The following GLIPR1L1 variants were observed in gnomAD, a reference collection of about 807,000 sequenced individuals.
GLIPR1L1 encodes the protein GLIPR1 like 1.
GLIPR1L1 carries 26 observed loss-of-function variants against 29.9 expected under a neutral mutation model. The ratio of observed to expected loss-of-function variants is 0.87; its 90% CI spans 0.64 to 1.21. GLIPR1L1 has a LOEUF of 1.21. GLIPR1L1 is among the 50% of genes most tolerant of loss of function. The pLI is 0.00. For missense variants in GLIPR1L1, 305 were observed against 290.3 expected, an observed-to-expected ratio of 1.05 and a Z score of -0.37; for synonymous variants, 77 against 97.5, an observed-to-expected ratio of 0.79 and a Z score of 1.24.
chr12:75,356,328 G>A (rs1036733277), intron 3 of GLIPR1L1, among the ~76,000 whole-genome samples: 1 of 151,992 alleles, frequency 6.6e-6, no homozygotes, highest in Non-Finnish European at 1.5e-5. Flanking sequence ...GAGATGATAA[G>A]TTTGTGGATA....
At chr12:75,365,587 T>C (rs911209985) in intron 4 of GLIPR1L1, among the ~76,000 whole-genome samples, 3 of 152,148 alleles carry the variant, frequency 2.0e-5, no homozygotes, top group African/African-American at 4.8e-5. Flanking sequence ...AAGTTGGATG[T>C]TGCCCAGAGA....
chr12:75,363,318 A>G (rs1449492037), intron 4 of GLIPR1L1, 128 bp downstream of exon 4: 1 of 410,848 alleles, frequency 2.4e-6, no homozygotes, highest in Admixed American at 4.5e-5. Context: ...ATCTTACGAT[A>G]TAAATCATGT....
chr12:75,340,207 T>C (rs962717224), intron 1 of GLIPR1L1, among the ~76,000 whole-genome samples: 1 of 151,214 alleles, frequency 6.6e-6, no homozygotes, highest in African/African-American at 2.4e-5. Flanking sequence ...TATTGGTTGA[T>C]GGGCATTTAG....
intron 4 of GLIPR1L1, among the ~76,000 whole-genome samples, chr12:75,366,105 A>T (rs973478573): frequency 6.6e-6 from 1 of 152,176 alleles, no homozygotes; most frequent in South Asian, 2.1e-4. Flanking sequence ...TATTTAAGTC[A>T]TGTGAACTTG....
At chr12:75,362,961 G>A in intron 3 of GLIPR1L1, 141 bp from the exon 4 acceptor site, 1 of 505,020 alleles carries the variant, frequency 2.0e-6, no homozygotes, top group Non-Finnish European at 3.6e-6. Flanking sequence ...CAAAAGAAAT[G>A]AAAATAAAAT....
chr12:75,358,731 T>C (rs1462916989), intron 3 of GLIPR1L1, among the ~76,000 whole-genome samples: 3 of 145,592 alleles, frequency 2.1e-5, no homozygotes, highest in Non-Finnish European at 4.5e-5. Flanking sequence ...TAATATATTA[T>C]ATATATGGTT....
intron 2 of GLIPR1L1, among the ~76,000 whole-genome samples, chr12:75,345,255 C>A (rs1044351917): frequency 2.6e-5 from 4 of 152,072 alleles, no homozygotes; most frequent in African/African-American, 9.7e-5. Context: ...GACAATTATA[C>A]AGTTTCTATC....
chr12:75,358,826 A>T (rs1416555155), intron 3 of GLIPR1L1, among the ~76,000 whole-genome samples: 1 of 143,922 alleles, frequency 6.9e-6, no homozygotes, highest in Non-Finnish European at 1.5e-5. Context: ...AAATATATAT[A>T]ATATATAACA....
rs2042540979 is a variant in GLIPR1L1 at position 75,347,625 on chromosome 12, G to A, written c.424G>A (p.Val142Ile). 7 of 1,603,632 alleles carry A rather than the reference G, an allele frequency of 4.4e-6. No individual in the cohort carries two copies. Among genetic ancestry groups the A allele is most frequent in the Non-Finnish European group, 6.0e-6 (7 of 1,172,300 alleles). The change falls in exon 3 of 6, where the codon GTT becomes ATT. Residue 142 changes from valine to isoleucine, a missense_variant. Physicochemically the swap from Val to Ile is conservative, Grantham distance 29 (BLOSUM62 3). Transcript: ENST00000378695. ...SRVCGHYTQLVWANSFYVGCA... is the reference protein window; with the variant it reads ...SRVCGHYTQLIWANSFYVGCA... ...TTGACATTCCTTTTCTTTATAGTTA[G>A]TTTGGGCCAATTCATTTTATGTCGG...
intron 1 of GLIPR1L1, among the ~76,000 whole-genome samples, chr12:75,336,075 A>G (rs1453555488): frequency 6.6e-6 from 1 of 152,058 alleles, no homozygotes; most frequent in Admixed American, 6.5e-5. Context: ...TGCATAAAAA[A>G]TGAAGTGAAG....
At chr12:75,367,100 A>T (rs2139663688) in intron 4 of GLIPR1L1, 1 of 692,284 alleles carries the variant, frequency 1.4e-6, no homozygotes, top group East Asian at 2.7e-5. Context: ...ATTTGGGGAG[A>T]AAACGTAATG....
intron 4 of GLIPR1L1, chr12:75,364,702 A>G (rs1404643758): frequency 6.6e-6 from 1 of 152,226 alleles, no homozygotes; most frequent in Non-Finnish European, 1.5e-5. Flanking sequence ...GCAATTAGCT[A>G]CACAGAACAT....
chr12:75,369,856 A>C (rs1440999944), intron 4 of GLIPR1L1, 104 bp from the exon 5 acceptor site: 1 of 1,334,080 alleles, frequency 7.5e-7, no homozygotes, highest in African/African-American at 1.5e-5. Flanking sequence ...AAGTCAAACT[A>C]ATTTTTGTTA....
intron 3 of GLIPR1L1, among the ~76,000 whole-genome samples, chr12:75,348,441 C>T (rs1335824832): frequency 6.6e-6 from 1 of 152,006 alleles, no homozygotes; most frequent in African/African-American, 2.4e-5. Context: ...CACTTGGAAG[C>T]AAAAACAAGA....
intron 1 of GLIPR1L1, among the ~76,000 whole-genome samples, chr12:75,337,591 A>C (rs2041824364): frequency 6.6e-6 from 1 of 152,014 alleles, no homozygotes; most frequent in African/African-American, 2.4e-5. Flanking sequence ...GAATAAGTGC[A>C]TAAAATGCAC....
chr12:75,338,147 AC>A, intron 1 of GLIPR1L1, among the ~76,000 whole-genome samples: 1 of 152,298 alleles, frequency 6.6e-6, no homozygotes, highest in East Asian at 1.9e-4. Flanking sequence ...ACCAGAAAAA[AC>A]ATTACAGGTT....
At chr12:75,340,868 C>T (rs2042056495) in intron 1 of GLIPR1L1, among the ~76,000 whole-genome samples, 1 of 151,256 alleles carries the variant, frequency 6.6e-6, no homozygotes, top group South Asian at 2.1e-4. Context: ...CAAATTAAAA[C>T]CACAAGGACA....
chr12:75,367,205 G>A (rs1184107108), intron 4 of GLIPR1L1, among the ~76,000 whole-genome samples: 2 of 137,306 alleles, frequency 1.5e-5, no homozygotes, highest in African/African-American at 5.4e-5. Context: ...TGGCAGTGGA[G>A]AAGATCCTTT....
At chr12:75,344,834 A>G (rs1373242693) in intron 2 of GLIPR1L1, among the ~76,000 whole-genome samples, 1 of 152,130 alleles carries the variant, frequency 6.6e-6, no homozygotes, top group Non-Finnish European at 1.5e-5. Flanking sequence ...GAATAAAAGT[A>G]GCGTTTAGTC....
Sources: allele counts gnomAD v4.1 joint callset (sites outside exome capture counted in the v4.1 genomes callset), GRCh38; gene constraint gnomAD v4.1.1; transcripts MANE v1.5; gene names NCBI Gene and HGNC (gene_info 2026-07-23, HGNC 2026-07-21).